The following TAFA2 variants were observed in gnomAD, a reference collection of about 807,000 sequenced individuals.
TAFA2 encodes the protein TAFA chemokine like family member 2.
Under a neutral mutation model 18.8 loss-of-function variants are expected in TAFA2, and 7 were observed. The observed-to-expected ratio is 0.37, with a 90% confidence interval of 0.21 to 0.70. The LOEUF is 0.70. Ranked by LOEUF, TAFA2 falls within the 30% of genes least tolerant of loss-of-function variation. The pLI is 0.53. For missense variants in TAFA2, 122 were observed against 158.1 expected (o/e 0.77, Z 1.23); for synonymous variants, 60 against 54.2 (o/e 1.11, Z -0.47).
chr12:62,010,135 G>GTCCCTC (rs1161584525), intron 1 of TAFA2, among the ~76,000 whole-genome samples: 2 of 151,460 alleles, frequency 1.3e-5, no homozygotes, highest in Non-Finnish European at 1.5e-5. Context: ...TGAAACTGTA[G>GTCCCTC]TCCCTCTCCC....
At chr12:62,056,066 A>G (rs1882180181) in intron 1 of TAFA2, among the ~76,000 whole-genome samples, 1 of 152,242 alleles carries the variant, frequency 6.6e-6, no homozygotes, top group African/African-American at 2.4e-5. Context: ...TAACAAATAT[A>G]GAAAAATTGT....
At chr12:61,766,223 T>C (rs1869783138) in intron 2 of TAFA2, among the ~76,000 whole-genome samples, 1 of 152,094 alleles carries the variant, frequency 6.6e-6, no homozygotes, top group East Asian at 1.9e-4. Flanking sequence ...TATAGAATCA[T>C]TTGTGGCTCT....
At chr12:62,147,644 G>A (rs1448411354) in intron 1 of TAFA2, among the ~76,000 whole-genome samples, 3 of 147,382 alleles carry the variant, frequency 2.0e-5, no homozygotes, top group South Asian at 2.1e-4. Flanking sequence ...GCAGGAGAAT[G>A]GGGTGAACCC....
chr12:61,872,120 C>G (rs1004535161), intron 1 of TAFA2, among the ~76,000 whole-genome samples: 1 of 151,886 alleles, frequency 6.6e-6, no homozygotes, highest in African/African-American at 2.4e-5. Context: ...AATCATTTCC[C>G]CATGAAAACA....
chr12:62,055,390 T>C (rs1400433518), intron 1 of TAFA2, among the ~76,000 whole-genome samples: 1 of 152,230 alleles, frequency 6.6e-6, no homozygotes, highest in African/African-American at 2.4e-5. Flanking sequence ...CCATGTGATA[T>C]TTTCTCATAC....
At chr12:61,770,156 A>C (rs980429655) in intron 2 of TAFA2, among the ~76,000 whole-genome samples, 2 of 152,086 alleles carry the variant, frequency 1.3e-5, no homozygotes, top group African/African-American at 4.8e-5. Flanking sequence ...GAGCTCAAAG[A>C]CAAGGCTTTC....
intron 1 of TAFA2, chr12:62,198,108 C>T (rs1039011895): frequency 6.6e-6 from 1 of 151,996 alleles, no homozygotes; most frequent in Non-Finnish European, 1.5e-5. Flanking sequence ...CTACAAAAGG[C>T]TTTGTATTAT....
chr12:61,912,862 TAGCTTGTGTAAG>T (rs1352756234), intron 1 of TAFA2, among the ~76,000 whole-genome samples: 1 of 152,204 alleles, frequency 6.6e-6, no homozygotes, highest in Non-Finnish European at 1.5e-5. Context: ...TGATCTTAGT[TAGCTTGTGTAAG>T]AGCTTGTAAG....
rs77703261 is a variant in TAFA2 at position 61,892,700 on chromosome 12, A to G, written c.-1-25274T>C. Among the ~76,000 whole-genome samples, 1,185 of 152,240 alleles carry G rather than the reference A, an allele frequency of 7.8e-3. 11 individuals are homozygous for G. Among genetic ancestry groups the G allele is most frequent in the African/African-American group, 0.028 (1,144 of 41,542 alleles). ...AAAAATACAACAGTATTACCTGGGT[A>G]TGGTGGCACATGCCTGTAGTCCCAG... On this transcript the variant is annotated intron_variant, in intron 1 of 4. Transcript: ENST00000416284.
chr12:62,101,249 G>T (rs1869187901), intron 1 of TAFA2, among the ~76,000 whole-genome samples: 1 of 152,084 alleles, frequency 6.6e-6, no homozygotes. Flanking sequence ...ATCCCTAAGA[G>T]CCAATACATA....
At chr12:62,164,533 C>T (rs10784285) in intron 1 of TAFA2, among the ~76,000 whole-genome samples, 81,764 of 151,936 alleles carry the variant, frequency 0.54, 22,376 homozygotes, top group Middle Eastern at 0.73. Context: ...TTAACACACA[C>T]GATTCACTCA....
At chr12:61,790,992 G>A (rs1870953994) in intron 2 of TAFA2, among the ~76,000 whole-genome samples, 1 of 151,764 alleles carries the variant, frequency 6.6e-6, no homozygotes, top group African/African-American at 2.4e-5. Context: ...AAATAGGATG[G>A]TACTGACATG....
intron 2 of TAFA2, among the ~76,000 whole-genome samples, chr12:61,847,786 AC>A (rs1428842851): frequency 6.6e-6 from 1 of 152,346 alleles, no homozygotes; most frequent in African/African-American, 2.4e-5. Context: ...GGAAAAAAAG[AC>A]CAGCAGTAAG....
chr12:61,815,416 C>A (rs1490719369), intron 2 of TAFA2, among the ~76,000 whole-genome samples: 1 of 151,258 alleles, frequency 6.6e-6, no homozygotes, highest in East Asian at 1.9e-4. Flanking sequence ...CCTGTAATCC[C>A]AGCACTTTGG....
intron 1 of TAFA2, among the ~76,000 whole-genome samples, chr12:62,106,363 CAAAA>C (rs769439710): frequency 6.6e-6 from 1 of 151,090 alleles, no homozygotes; most frequent in Admixed American, 6.6e-5. Flanking sequence ...AAAACAAAAA[CAAAA>C]AAACAAAAAC....
chr12:62,081,015 A>G (rs117448120), intron 1 of TAFA2, among the ~76,000 whole-genome samples: 8,679 of 152,212 alleles, frequency 0.057, 371 homozygotes, highest in Middle Eastern at 0.088. Flanking sequence ...TGACACGGTG[A>G]AACCCTGTCT....
intron 1 of TAFA2, chr12:62,207,375 GA>G (rs1400810750): frequency 6.6e-6 from 1 of 152,130 alleles, no homozygotes; most frequent in Non-Finnish European, 1.5e-5. Flanking sequence ...CTGATCCTAA[GA>G]GTTACATTCT....
At chr12:61,940,311 C>A (rs545330010) in intron 1 of TAFA2, among the ~76,000 whole-genome samples, 2 of 152,332 alleles carry the variant, frequency 1.3e-5, no homozygotes, top group African/African-American at 4.8e-5. Flanking sequence ...AGGGGACCCA[C>A]ATTTTCAGCT....
intron 1 of TAFA2, among the ~76,000 whole-genome samples, chr12:62,047,133 A>G (rs1260214616): frequency 1.3e-5 from 2 of 152,128 alleles, no homozygotes; most frequent in Non-Finnish European, 2.9e-5. Context: ...GTACTGATTT[A>G]ATAATAAGTA....
Sources: gnomAD v4.1 joint callset for allele counts (sites outside exome capture counted in the v4.1 genomes callset) on GRCh38, gnomAD v4.1.1 for gene constraint, MANE v1.5 for transcripts, NCBI Gene and HGNC (gene_info 2026-07-23, HGNC 2026-07-21) for gene names.